The following ETFA variants were observed in gnomAD, a reference collection of about 807,000 sequenced individuals.
ETFA encodes the protein electron transfer flavoprotein subunit alpha, also known as electron transfer flavoprotein subunit alpha, mitochondrial.
In ETFA, 22 loss-of-function variants were observed where a neutral mutation model predicts 46.2. That is an observed-to-expected ratio of 0.48 (90% CI 0.34 to 0.68). ETFA has a LOEUF of 0.68. ETFA is among the 30% of genes least tolerant of loss of function. The pLI, the probability that ETFA is intolerant of heterozygous loss-of-function variation, is 0.01. For missense variants in ETFA, 345 were observed against 401.1 expected (o/e 0.86, Z 1.19); for synonymous variants, 131 against 139.9 (o/e 0.94, Z 0.45).
chr15:76,218,355 T>C (rs2469570), intron 11 of ETFA, among the ~76,000 whole-genome samples: 148,983 of 152,220 alleles, frequency 0.98, 72,987 homozygotes, highest in South Asian at 1. Flanking sequence ...GCAAGCTCCG[T>C]CTCCCAGGTT....
chr15:76,217,163 C>A (rs1452328611), intron 11 of ETFA, among the ~76,000 whole-genome samples: 1 of 152,124 alleles, frequency 6.6e-6, no homozygotes, highest in African/African-American at 2.4e-5. Context: ...AGAAGGCACC[C>A]TAGAAACAGG....
chr15:76,243,448 T>C (rs981248427), intron 9 of ETFA, among the ~76,000 whole-genome samples: 1 of 151,872 alleles, frequency 6.6e-6, no homozygotes, highest in Non-Finnish European at 1.5e-5. Context: ...TTAAAAATAA[T>C]AAGGAAAACC....
intron 1 of ETFA, among the ~76,000 whole-genome samples, chr15:76,305,108 T>C (rs1375952844): frequency 2.0e-5 from 3 of 152,228 alleles, no homozygotes; most frequent in South Asian, 2.1e-4. Context: ...TCAGTAACAA[T>C]AGTTTAAGGC....
chr15:76,310,677 G>T (rs559023010), intron 1 of ETFA, among the ~76,000 whole-genome samples: 2 of 152,340 alleles, frequency 1.3e-5, no homozygotes, highest in South Asian at 4.1e-4. Flanking sequence ...ACAATCTGCT[G>T]GTTAAAAGCA....
At position 76,283,841 on chromosome 15, in the gene ETFA, GAA is replaced by G; in HGVS notation, c.665-18_665-17del. ...AAGCCTCGACCTCATTTAAAAAGATGAAAAAAAAAAATTAGGCAAACATCAAA... is the reference window on the plus strand; with the variant it reads ...AAGCCTCGACCTCATTTAAAAAGATGAAAAAAAAATTAGGCAAACATCAAA... On this transcript the variant is annotated splice_polypyrimidine_tract_variant and intron_variant, in intron 7 of 11. Transcript: ENST00000557943. The G allele has an allele frequency of 1.1e-5, 15 of 1,353,846 alleles. No individual in the cohort carries two copies. Among genetic ancestry groups the G allele is most frequent in the South Asian group, 2.8e-5 (2 of 71,294 alleles). The allele number at this position is 1,353,846 out of a possible 1,614,324, so 83.9% of individuals were successfully genotyped here.
intron 9 of ETFA, chr15:76,259,729 C>T: frequency 1.3e-6 from 2 of 1,488,392 alleles, no homozygotes; most frequent in Non-Finnish European, 9.3e-7. Context: ...CCCCTGCCAG[C>T]ATGCAGTTCC....
intron 5 of ETFA, 56 bp from the exon 6 acceptor site, chr15:76,286,537 C>A: frequency 3.9e-6 from 4 of 1,031,658 alleles, no homozygotes; most frequent in Non-Finnish European, 6.1e-6. Context: ...AAAACTAGCA[C>A]TCCTTTGATG....
At chr15:76,274,309 AG>A in intron 9 of ETFA, 102 bp downstream of exon 9, 2 of 915,850 alleles carry the variant, frequency 2.2e-6, no homozygotes, top group South Asian at 2.8e-5. Context: ...CTAACTGCTC[AG>A]GAACACTGAG....
chr15:76,243,088 G>A (rs1479795480), intron 9 of ETFA, among the ~76,000 whole-genome samples: 1 of 152,090 alleles, frequency 6.6e-6, no homozygotes, highest in Non-Finnish European at 1.5e-5. Flanking sequence ...CTTCAGGCCA[G>A]GAGTTCAAGA....
intron 9 of ETFA, among the ~76,000 whole-genome samples, chr15:76,242,669 T>C (rs1179706906): frequency 6.6e-6 from 1 of 152,164 alleles, no homozygotes; most frequent in African/African-American, 2.4e-5. Flanking sequence ...GACAGATGAA[T>C]GGATAAGCAA....
In ETFA at chr15:76,311,375, G is replaced by A. The variant is rs575416593; in HGVS notation, c.14C>T (p.Ala5Val). Reference sequence around the variant, plus strand: ...CGCCCGCCGGAGCTGCCCCGGAGCCGCCGCTCGGAACATGGTCTCCGCTTC... The same window carrying A: ...CGCCCGCCGGAGCTGCCCCGGAGCCACCGCTCGGAACATGGTCTCCGCTTC... MFRA[A>V]APGQLRRAAS... The change falls in exon 1 of 12, where the codon GCG (alanine) becomes GTG (valine). Residue 5 changes from alanine to valine, a missense_variant. Ala to Val is a moderately conservative substitution (Grantham distance 64). Coordinates refer to ENST00000557943, the MANE Select transcript of ETFA (RefSeq NM_000126.4). 7.7e-6 allele frequency: 12 copies of A among 1,563,538 alleles called. No homozygotes were observed. Among genetic ancestry groups the A allele is most frequent in the South Asian group, 1.2e-5 (1 of 85,110 alleles).
chr15:76,222,675 G>T (rs1021457934), intron 11 of ETFA, among the ~76,000 whole-genome samples: 4 of 151,858 alleles, frequency 2.6e-5, no homozygotes, highest in African/African-American at 9.7e-5. Context: ...CAGGACCCTG[G>T]CTTAGTTGTG....
At chr15:76,273,003 ACTT>A (rs1194595848) in intron 9 of ETFA, among the ~76,000 whole-genome samples, 1 of 151,852 alleles carries the variant, frequency 6.6e-6, no homozygotes. Flanking sequence ...TTCTTTTCTG[ACTT>A]CTTTTCTGAC....
At chr15:76,280,241 T>C (rs1028653408) in intron 8 of ETFA, among the ~76,000 whole-genome samples, 6 of 152,142 alleles carry the variant, frequency 3.9e-5, no homozygotes, top group East Asian at 1.9e-4. Flanking sequence ...ATGTCTGTTA[T>C]TAGACATCTC....
chr15:76,232,444 C>T (rs2039078583), intron 9 of ETFA, among the ~76,000 whole-genome samples: 1 of 152,158 alleles, frequency 6.6e-6, no homozygotes, highest in African/African-American at 2.4e-5. Flanking sequence ...GGTTTTGTCA[C>T]AACTGACAGT....
chr15:76,227,797 G>C (rs1596189294), intron 10 of ETFA: 4 of 456,018 alleles, frequency 8.8e-6, no homozygotes, highest in Non-Finnish European at 1.3e-5. Flanking sequence ...ACAGGCTACA[G>C]GATATCCAAC....
chr15:76,238,390 T>C (rs538200606), intron 9 of ETFA, among the ~76,000 whole-genome samples: 12 of 152,300 alleles, frequency 7.9e-5, no homozygotes, highest in African/African-American at 2.9e-4. Context: ...AAAACTTACA[T>C]TTCTTTAAAT....
intron 10 of ETFA, chr15:76,230,218 C>CTTTTTTTTTTA: frequency 2.1e-5 from 1 of 48,518 alleles, no homozygotes; most frequent in Non-Finnish European, 3.9e-5. Flanking sequence ...ACTTATTGCA[C>CTTTTTTTTTTA]TTTTTTTTTT....
intron 2 of ETFA, among the ~76,000 whole-genome samples, 164 bp from the exon 3 acceptor site, chr15:76,292,864 G>A (rs539073334): frequency 3.3e-5 from 5 of 152,296 alleles, no homozygotes; most frequent in South Asian, 2.1e-4. Flanking sequence ...CCGGCCGGGC[G>A]CAGTGGCTCA....
Sources: gnomAD v4.1 joint callset for allele counts (sites outside exome capture counted in the v4.1 genomes callset) on GRCh38, gnomAD v4.1.1 for gene constraint, MANE v1.5 for transcripts, NCBI Gene and HGNC (gene_info 2026-07-23, HGNC 2026-07-21) for gene names.